The following SYT16 variants were observed in gnomAD, a reference collection of about 807,000 sequenced individuals.
The protein encoded by SYT16 is synaptotagmin-16.
SYT16 carries 42 observed loss-of-function variants against 61.4 expected under a neutral mutation model. The observed-to-expected ratio is 0.68, with a 90% CI of 0.53 to 0.89. The LOEUF is 0.89. SYT16 is among the 40% of genes least tolerant of loss of function. The probability of loss-of-function intolerance (pLI) is 0.00; values close to 1 mark genes in which losing one functional copy is unlikely to be tolerated. For missense variants in SYT16, 804 were observed against 807.3 expected, an observed-to-expected ratio of 1.00 and a Z score of 0.05; for synonymous variants, 314 against 302.3, an observed-to-expected ratio of 1.04 and a Z score of -0.40.
At position 61,949,417 on chromosome 14, in the gene SYT16, A is replaced by C. The variant is rs898042363; in HGVS notation, c.-324-20715A>C. 6.6e-5 allele frequency among the ~76,000 whole-genome samples: 10 copies of C among 152,318 alleles called. No homozygotes were observed. In the East Asian group the frequency reaches 1.5e-3, roughly 24 times the overall value. On this transcript the variant is annotated intron_variant, in intron 1 of 7. Coordinates refer to ENST00000683842, the MANE Select transcript of SYT16 (RefSeq NM_001367656.1). The stretch of plus-strand genomic sequence containing the variant: ...ACAGAGACTGAGTATCTCTGTGTGA[A>C]CGTTAAATCTCATATATTTTTTTCT...
chr14:62,091,488 T>G (rs1232329483), intron 7 of SYT16, among the ~76,000 whole-genome samples: 1 of 152,192 alleles, frequency 6.6e-6, no homozygotes, highest in East Asian at 1.9e-4. Flanking sequence ...TGACTACTAT[T>G]GCGGGTACTA....
intron 2 of SYT16, among the ~76,000 whole-genome samples, chr14:61,982,417 C>A (rs1049084984): frequency 6.6e-6 from 1 of 152,100 alleles, no homozygotes; most frequent in African/African-American, 2.4e-5. Context: ...TCTTACATGG[C>A]AGCAGGCAAG....
intron 1 of SYT16, among the ~76,000 whole-genome samples, chr14:61,881,662 T>G (rs1221705325): frequency 6.6e-6 from 1 of 152,220 alleles, no homozygotes; most frequent in Non-Finnish European, 1.5e-5. Flanking sequence ...CACTGTTCCA[T>G]TCCCAGTGTT....
intron 1 of SYT16, among the ~76,000 whole-genome samples, chr14:61,938,137 A>G (rs1422725590): frequency 6.6e-6 from 1 of 151,860 alleles, no homozygotes; most frequent in African/African-American, 2.4e-5. Context: ...TTAATTACCG[A>G]AGGATAAAGA....
intron 1 of SYT16, among the ~76,000 whole-genome samples, chr14:61,824,563 A>G (rs1448049230): frequency 2.0e-5 from 3 of 152,192 alleles, no homozygotes; most frequent in Non-Finnish European, 2.9e-5. Flanking sequence ...TGTGTTAGCC[A>G]GGATGGTCTC....
At chr14:61,872,030 G>A (rs770446844) in intron 1 of SYT16, among the ~76,000 whole-genome samples, 9 of 152,050 alleles carry the variant, frequency 5.9e-5, no homozygotes, top group Non-Finnish European at 1.3e-4. Context: ...TATTGTAGCA[G>A]GGATTGAAAA....
chr14:61,972,729 C>T (rs781322091), intron 2 of SYT16, among the ~76,000 whole-genome samples: 6 of 152,140 alleles, frequency 3.9e-5, no homozygotes, highest in Non-Finnish European at 7.4e-5. Context: ...TTTTGACAAA[C>T]GTAAAGAAGG....
chr14:61,956,354 CCTAT>C (rs1172858353), intron 1 of SYT16, among the ~76,000 whole-genome samples: 7 of 151,722 alleles, frequency 4.6e-5, no homozygotes, highest in Admixed American at 1.3e-4. Flanking sequence ...CTTTTGGTGT[CCTAT>C]CTAAGAATTG....
chr14:62,048,985 G>A (rs1445438402), intron 3 of SYT16, among the ~76,000 whole-genome samples: 7 of 152,144 alleles, frequency 4.6e-5, no homozygotes, highest in South Asian at 2.1e-4. Flanking sequence ...GTAGATGTCT[G>A]TTAGGTCTGC....
chr14:62,079,301 G>A (rs1263363864), intron 5 of SYT16: 1 of 1,080,834 alleles, frequency 9.3e-7, no homozygotes, highest in Non-Finnish European at 1.2e-6. Flanking sequence ...GATATAAGAA[G>A]CTTCACTTAT....
At chr14:61,843,338 C>T (rs1277099938) in intron 1 of SYT16, among the ~76,000 whole-genome samples, 1 of 152,164 alleles carries the variant, frequency 6.6e-6, no homozygotes, top group Non-Finnish European at 1.5e-5. Context: ...TGATGTTGAA[C>T]ACCTTTCCAT....
intron 7 of SYT16, among the ~76,000 whole-genome samples, chr14:62,092,928 G>A (rs1187585185): frequency 1.3e-5 from 2 of 152,004 alleles, no homozygotes; most frequent in African/African-American, 4.8e-5. Flanking sequence ...AAAATACACT[G>A]GAGAGAGATC....
At chr14:62,032,707 A>G (rs2054355047) in intron 3 of SYT16, among the ~76,000 whole-genome samples, 1 of 149,988 alleles carries the variant, frequency 6.7e-6, no homozygotes, top group African/African-American at 2.4e-5. Context: ...TGGAGCTTCT[A>G]CAGTTAGTAA....
At chr14:62,100,333 C>A (rs1403367811) in intron 7 of SYT16, 61 bp from the exon 8 acceptor site, 2 of 1,409,166 alleles carry the variant, frequency 1.4e-6, no homozygotes, top group African/African-American at 1.4e-5. Flanking sequence ...GCTAGTCTAG[C>A]CAAACAGAGA....
chr14:62,090,696 T>C (rs2057041967), intron 7 of SYT16, among the ~76,000 whole-genome samples: 1 of 152,188 alleles, frequency 6.6e-6, no homozygotes, highest in Non-Finnish European at 1.5e-5. Flanking sequence ...TTAAAAAATA[T>C]TAAAAGCAAT....
rs146594304 is a variant in SYT16, at chr14:61,831,607, G to T, written c.-325+18797G>T. ...GCCATATGCTGAAGCATCTCTTTCTGTGTTTCTTATCTGTTAACTATTCAT... is the reference window on the plus strand; with the variant it reads ...GCCATATGCTGAAGCATCTCTTTCTTTGTTTCTTATCTGTTAACTATTCAT... On this transcript the variant is annotated intron_variant, in intron 1 of 7. Coordinates refer to ENST00000683842, the MANE Select transcript of SYT16 (RefSeq NM_001367656.1). Among the ~76,000 whole-genome samples, 541 of 151,952 alleles carry T rather than the reference G, an allele frequency of 3.6e-3. 3 individuals are homozygous for T. Among genetic ancestry groups the T allele is most frequent in the African/African-American group, 0.012 (497 of 41,448 alleles).
At chr14:62,076,853 C>T (rs910793609) in intron 5 of SYT16, among the ~76,000 whole-genome samples, 53 of 152,202 alleles carry the variant, frequency 3.5e-4, no homozygotes, top group African/African-American at 9.9e-4. Flanking sequence ...GAAGTGACTT[C>T]TCCAGGTCAC....
intron 1 of SYT16, among the ~76,000 whole-genome samples, chr14:61,835,752 C>T (rs767793203): frequency 1.3e-5 from 2 of 152,122 alleles, no homozygotes; most frequent in East Asian, 1.9e-4. Flanking sequence ...AATTTCCCTA[C>T]AGAAGGATTG....
intron 6 of SYT16, among the ~76,000 whole-genome samples, chr14:62,082,492 C>T (rs1399767261): frequency 6.6e-6 from 1 of 152,192 alleles, no homozygotes; most frequent in African/African-American, 2.4e-5. Context: ...TCTTCAGGTA[C>T]AACCAGAACC....
Sources: allele counts gnomAD v4.1 joint callset (sites outside exome capture counted in the v4.1 genomes callset), GRCh38; gene constraint gnomAD v4.1.1; transcripts MANE v1.5; gene names NCBI Gene and HGNC (gene_info 2026-07-23, HGNC 2026-07-21).